DCC: variants seen among roughly 807,000 people sequenced by gnomAD.
DCC encodes netrin receptor DCC.
A neutral mutation model predicts 172.5 loss-of-function variants in DCC; 58 were observed. That is an observed-to-expected ratio of 0.34 (90% CI 0.27 to 0.42). DCC has a LOEUF of 0.42. Ranked by LOEUF, DCC falls within the 10% of genes least tolerant of loss-of-function variation. DCC has a pLI of 1.00. For synonymous variants in DCC, 709 were observed against 644.5 expected (o/e 1.10, Z -1.52); for missense variants, 1,740 against 1,791.0 (o/e 0.97, Z 0.51).
At chr18:53,090,732 A>AAAAAT (rs1568298492) in intron 7 of DCC, among the ~76,000 whole-genome samples, 2 of 129,156 alleles carry the variant, frequency 1.5e-5, no homozygotes, top group Non-Finnish European at 3.3e-5. Context: ...AAAAAAAAAA[A>AAAAAT]AAGAATGTAT....
intron 23 of DCC, among the ~76,000 whole-genome samples, chr18:53,453,722 A>G (rs2045446687): frequency 6.6e-6 from 1 of 152,178 alleles, no homozygotes; most frequent in East Asian, 1.9e-4. Context: ...TTCTATAGTA[A>G]ACTAATCATA....
chr18:52,975,543 G>T (rs1220739426), intron 5 of DCC, among the ~76,000 whole-genome samples: 1 of 152,048 alleles, frequency 6.6e-6, no homozygotes, highest in East Asian at 1.9e-4. Context: ...CCCAGTGTGT[G>T]TTTTCCCTTT....
At chr18:53,236,802 C>T (rs764363859) in intron 12 of DCC, among the ~76,000 whole-genome samples, 4 of 151,884 alleles carry the variant, frequency 2.6e-5, no homozygotes, top group Non-Finnish European at 4.4e-5. Flanking sequence ...CCAGTTTTGT[C>T]GGCACCATTT....
chr18:53,014,219 G>A (rs113212119), intron 5 of DCC, among the ~76,000 whole-genome samples: 1,806 of 152,184 alleles, frequency 0.012, 26 homozygotes, highest in African/African-American at 0.04. Context: ...TTATTGGCAG[G>A]TAAGCTATTG....
chr18:53,210,221 C>T (rs1193418910), intron 11 of DCC, among the ~76,000 whole-genome samples: 1 of 152,176 alleles, frequency 6.6e-6, no homozygotes, highest in East Asian at 1.9e-4. Flanking sequence ...CCTCCTCTGT[C>T]CTGAAGCTGT....
chr18:52,433,947 G>A (rs966151510), intron 1 of DCC, among the ~76,000 whole-genome samples: 1 of 152,060 alleles, frequency 6.6e-6, no homozygotes, highest in African/African-American at 2.4e-5. Flanking sequence ...ATAAGACCAT[G>A]GTGGTTAAAA....
chr18:52,382,448 C>T (rs1291131736), intron 1 of DCC, among the ~76,000 whole-genome samples: 1 of 151,968 alleles, frequency 6.6e-6, no homozygotes, highest in Admixed American at 6.6e-5. Flanking sequence ...GAAGAAAATA[C>T]CATAATCATA....
intron 1 of DCC, among the ~76,000 whole-genome samples, chr18:52,503,566 C>G (rs942066917): frequency 6.6e-6 from 1 of 152,090 alleles, no homozygotes; most frequent in Admixed American, 6.6e-5. Flanking sequence ...TTGTGTTCTC[C>G]GTAGTTCTGG....
At chr18:52,542,458 T>C (rs756180749) in intron 1 of DCC, among the ~76,000 whole-genome samples, 7 of 152,178 alleles carry the variant, frequency 4.6e-5, no homozygotes, top group Non-Finnish European at 8.8e-5. Context: ...CTGTAGAATT[T>C]CTGTTTTAAA....
At chr18:52,827,485 C>T (rs867197506) in intron 2 of DCC, among the ~76,000 whole-genome samples, 1 of 152,216 alleles carries the variant, frequency 6.6e-6, no homozygotes, top group African/African-American at 2.4e-5. Flanking sequence ...GATAACCACA[C>T]GTATGTTTGA....
intron 1 of DCC, among the ~76,000 whole-genome samples, chr18:52,386,403 T>G (rs1449049129): frequency 1.3e-5 from 2 of 152,114 alleles, no homozygotes; most frequent in Non-Finnish European, 2.9e-5. Flanking sequence ...ATTAGGGGAT[T>G]TTGGTAATCC....
At chr18:53,327,900 C>T (rs1353604244) in intron 14 of DCC, among the ~76,000 whole-genome samples, 1 of 152,020 alleles carries the variant, frequency 6.6e-6, no homozygotes, top group East Asian at 1.9e-4. Flanking sequence ...TTATGATATG[C>T]TATGATTTAT....
At chr18:52,646,736 C>T (rs1288694840) in intron 1 of DCC, among the ~76,000 whole-genome samples, 1 of 152,182 alleles carries the variant, frequency 6.6e-6, no homozygotes, top group Non-Finnish European at 1.5e-5. Context: ...ACTTCTGTTT[C>T]TGTGGAGAAG....
At chr18:52,495,771 T>A (rs2030721797) in intron 1 of DCC, among the ~76,000 whole-genome samples, 1 of 133,380 alleles carries the variant, frequency 7.5e-6, no homozygotes, top group Non-Finnish European at 1.7e-5. Context: ...TTTATGTATT[T>A]TTTTTTTTTA....
intron 1 of DCC, among the ~76,000 whole-genome samples, chr18:52,498,893 C>T (rs1405817691): frequency 6.6e-6 from 1 of 152,090 alleles, no homozygotes; most frequent in African/African-American, 2.4e-5. Flanking sequence ...ACTTACTTTA[C>T]TTATGTAAGG....
intron 1 of DCC, among the ~76,000 whole-genome samples, chr18:52,498,397 G>A (rs2030883919): frequency 6.6e-6 from 1 of 152,126 alleles, no homozygotes; most frequent in South Asian, 2.1e-4. Flanking sequence ...GCCAAGGTGG[G>A]TGGATCACTT....
intron 5 of DCC, among the ~76,000 whole-genome samples, chr18:52,996,561 G>A (rs1466563623): frequency 6.6e-6 from 1 of 151,626 alleles, no homozygotes; most frequent in Non-Finnish European, 1.5e-5. Flanking sequence ...ATCTACCATT[G>A]TTTTTCTCAG....
intron 2 of DCC, among the ~76,000 whole-genome samples, chr18:52,759,701 A>G (rs571537214): frequency 6.6e-6 from 1 of 152,346 alleles, no homozygotes; most frequent in South Asian, 2.1e-4. Flanking sequence ...AAAGATTCAA[A>G]TCATAGTAAT....
At chr18:53,302,268 T>A (rs1313841225) in intron 12 of DCC, among the ~76,000 whole-genome samples, 2 of 152,164 alleles carry the variant, frequency 1.3e-5, no homozygotes, top group Non-Finnish European at 2.9e-5. Flanking sequence ...CCCATAAATA[T>A]GTATTTTGAC....
Sources: allele counts gnomAD v4.1 joint callset (sites outside exome capture counted in the v4.1 genomes callset), GRCh38; gene constraint gnomAD v4.1.1; transcripts MANE v1.5; gene names NCBI Gene and HGNC (gene_info 2026-07-23, HGNC 2026-07-21).